Variants in CHST9 observed in about 807,000 individuals in gnomAD.
CHST9 encodes the protein GalNAc-4-sulfotransferase 2.
CHST9 carries 41 observed loss-of-function variants against 44.4 expected under a neutral mutation model. That is an observed-to-expected ratio of 0.92 (90% CI 0.72 to 1.20). The LOEUF (loss-of-function observed/expected upper bound fraction) is 1.20, where lower values mean the gene tolerates loss of function less well. Among genes scored for constraint, CHST9 ranks in the 50% most tolerant of loss-of-function variants. CHST9 has a pLI of 0.00. For missense variants in CHST9, 504 were observed against 516.5 expected (o/e 0.98, Z 0.23); for synonymous variants, 171 against 178.4 (o/e 0.96, Z 0.33).
rs185209951 is a variant in CHST9, at chr18:26,959,592, G to T, written c.203-15226C>A. Among the ~76,000 whole-genome samples, 12 of 152,288 alleles carry T rather than the reference G, an allele frequency of 7.9e-5. No homozygotes were observed. The East Asian group carries it at 2.1e-3, about 27-fold the overall frequency. On this transcript the variant is annotated intron_variant, in intron 4 of 5. Coordinates refer to ENST00000618847, the MANE Select transcript of CHST9 (RefSeq NM_031422.6). The stretch of plus-strand genomic sequence containing the variant: ...GGACATTAACAGAAGCAGATTAGGG[G>T]AACAGTATTTTACCTGGAAGGAAAA...
rs911915421 is a variant in CHST9, at chr18:26,908,026, A to G, written c.*8233T>C. The G allele has an allele frequency of 6.4e-6, 1 of 155,898 alleles. No homozygotes were observed. Among genetic ancestry groups the G allele is most frequent in the Non-Finnish European group, 1.4e-5 (1 of 70,468 alleles). The allele number at this position is 155,898 out of a possible 1,614,324, so 9.7% of individuals were successfully genotyped here. A position where few individuals can be genotyped will look rare whatever the true frequency, so the allele number is the denominator to read the frequency against. On this transcript the variant is annotated 3_prime_UTR_variant, in exon 6 of 6. Coordinates refer to ENST00000618847, the MANE Select transcript of CHST9 (RefSeq NM_031422.6). ...GGGAGGGCAAAAAGTGAAGTTGTTTAATAGGTGCAGAGTATCCATTTTTCA... is the reference window on the plus strand; with the variant it reads ...GGGAGGGCAAAAAGTGAAGTTGTTTGATAGGTGCAGAGTATCCATTTTTCA...
At chr18:26,997,960 G>A (rs535259196) in intron 4 of CHST9, among the ~76,000 whole-genome samples, 7 of 152,168 alleles carry the variant, frequency 4.6e-5, no homozygotes, top group Non-Finnish European at 5.9e-5. Flanking sequence ...ATGAAGAAGC[G>A]TTATTTTTAT....
At position 26,910,863 on chromosome 18, in the gene CHST9, T is replaced by C. The variant is rs2055431139; in HGVS notation, c.*5396A>G. The C allele has an allele frequency of 6.6e-6, 1 of 152,208 alleles. No homozygotes were observed. Among genetic ancestry groups the C allele is most frequent in the Non-Finnish European group, 1.5e-5 (1 of 68,038 alleles). 9.4% of individuals were successfully genotyped at this position (152,208 alleles called of 1,614,324 possible). A position where few individuals can be genotyped will look rare whatever the true frequency, so the allele number is the denominator to read the frequency against. On this transcript the variant is annotated 3_prime_UTR_variant, in exon 6 of 6. Transcript: ENST00000618847. ...TACTCTTCATGTCATTAAATGAATG[T>C]ATGCAAAGTATTTTTCCCGTGTCTG...
chr18:27,105,700 T>C (rs2058214960), intron 2 of CHST9, among the ~76,000 whole-genome samples: 1 of 152,186 alleles, frequency 6.6e-6, no homozygotes, highest in Non-Finnish European at 1.5e-5. Context: ...ACTATTATGT[T>C]ATGCAAAATC....
chr18:27,183,250 A>C (rs1418388687), intron 1 of CHST9, among the ~76,000 whole-genome samples: 2 of 152,208 alleles, frequency 1.3e-5, no homozygotes, highest in African/African-American at 2.4e-5. Context: ...TAAGCCAAAC[A>C]CAACAGTTAC....
intron 5 of CHST9, among the ~76,000 whole-genome samples, chr18:26,937,047 T>A (rs1216781805): frequency 2.6e-5 from 4 of 152,192 alleles, no homozygotes; most frequent in African/African-American, 9.7e-5. Flanking sequence ...GAAAACATTT[T>A]ATAGTGAGTG....
chr18:27,093,794 T>A (rs537967265), intron 2 of CHST9, among the ~76,000 whole-genome samples: 2 of 152,010 alleles, frequency 1.3e-5, no homozygotes, highest in African/African-American at 4.8e-5. Context: ...GGTACCTCAG[T>A]TGGAAATGCA....
chr18:27,085,932 A>G (rs1291007204), intron 2 of CHST9, among the ~76,000 whole-genome samples: 1 of 152,180 alleles, frequency 6.6e-6, no homozygotes, highest in Non-Finnish European at 1.5e-5. Context: ...GGAATACTAC[A>G]CAGTCATAAA....
In CHST9 at chr18:27,031,039, A is replaced by G. The variant is rs571897557; in HGVS notation, c.161-6882T>C. ...TAAGTGTTCTCATATGTGTTACTTC[A>G]TGTAATTCTCACAACAGTTTCCCAA... On this transcript the variant is annotated intron_variant, in intron 3 of 5. Transcript: ENST00000618847. Among the ~76,000 whole-genome samples the G allele has an allele frequency of 1.8e-4, 27 of 152,286 alleles. No individual in the cohort carries two copies. The East Asian group carries it at 5.2e-3, about 29-fold the overall frequency.
intron 4 of CHST9, among the ~76,000 whole-genome samples, chr18:27,015,370 G>A (rs1262161572): frequency 2.1e-5 from 3 of 143,190 alleles, no homozygotes; most frequent in Non-Finnish European, 4.5e-5. Context: ...CAGGCACTAC[G>A]CATCCTTCGG....
chr18:26,992,059 A>T (rs71370780), intron 4 of CHST9, among the ~76,000 whole-genome samples: 29,781 of 126,266 alleles, frequency 0.24, 9,288 homozygotes, highest in East Asian at 0.46. Context: ...TGATGTTGTT[A>T]TCTGTCACTT....
intron 2 of CHST9, among the ~76,000 whole-genome samples, chr18:27,083,216 G>A (rs1347398517): frequency 6.6e-6 from 1 of 152,096 alleles, no homozygotes; most frequent in African/African-American, 2.4e-5. Context: ...CATTGGAAGG[G>A]AGGCAATGCA....
chr18:26,939,233 A>G (rs2056045629), intron 5 of CHST9, among the ~76,000 whole-genome samples: 1 of 152,206 alleles, frequency 6.6e-6, no homozygotes, highest in Non-Finnish European at 1.5e-5. Context: ...GTGATAAAGG[A>G]AAGCTTCATG....
At chr18:27,183,973 G>A (rs1241324251) in intron 1 of CHST9, among the ~76,000 whole-genome samples, 4 of 152,100 alleles carry the variant, frequency 2.6e-5, no homozygotes, top group African/African-American at 9.7e-5. Flanking sequence ...GAGTTGAAAA[G>A]AGGCCCCTGT....
intron 4 of CHST9, among the ~76,000 whole-genome samples, chr18:26,993,919 G>C (rs571716635): frequency 6.6e-6 from 1 of 152,224 alleles, no homozygotes. Context: ...GCAAGGTGCC[G>C]GCAGGGCACG....
At chr18:27,015,284 T>C (rs772927951) in intron 4 of CHST9, among the ~76,000 whole-genome samples, 45 of 151,852 alleles carry the variant, frequency 3.0e-4, no homozygotes, top group Non-Finnish European at 4.9e-4. Context: ...GAAACATACT[T>C]TTTATTTTCC....
At chr18:27,151,466 C>A (rs753285603) in intron 1 of CHST9, among the ~76,000 whole-genome samples, 1 of 152,104 alleles carries the variant, frequency 6.6e-6, no homozygotes, top group Non-Finnish European at 1.5e-5. Flanking sequence ...CCCAAAAGGT[C>A]CACCCCCTAA....
At chr18:27,012,844 A>G (rs947674670) in intron 4 of CHST9, among the ~76,000 whole-genome samples, 1 of 152,246 alleles carries the variant, frequency 6.6e-6, no homozygotes, top group African/African-American at 2.4e-5. Flanking sequence ...CATGCGGCTA[A>G]AAATTATAGC....
At chr18:27,018,527 T>A (rs892929737) in intron 4 of CHST9, among the ~76,000 whole-genome samples, 5 of 152,184 alleles carry the variant, frequency 3.3e-5, no homozygotes. Context: ...AGGTACAAAC[T>A]GTTGGAAAAT....
Sources: allele counts gnomAD v4.1 joint callset (sites outside exome capture counted in the v4.1 genomes callset), GRCh38; gene constraint gnomAD v4.1.1; transcripts MANE v1.5; gene names NCBI Gene and HGNC (gene_info 2026-07-23, HGNC 2026-07-21).